PHACTR1: variants seen among roughly 807,000 people sequenced by gnomAD.
The protein encoded by PHACTR1 is phosphatase and actin regulator 1.
In PHACTR1, 16 loss-of-function variants were observed where a neutral mutation model predicts 69.2. That is an observed-to-expected ratio of 0.23 (90% CI 0.16 to 0.35). The LOEUF (loss-of-function observed/expected upper bound fraction) is 0.35. Ranked by LOEUF, PHACTR1 falls within the 10% of genes least tolerant of loss-of-function variation. The probability of loss-of-function intolerance (pLI) is 1.00; values close to 1 mark genes in which losing one functional copy is unlikely to be tolerated. For synonymous variants in PHACTR1, 312 were observed against 284.5 expected, an observed-to-expected ratio of 1.10 and a Z score of -0.97; for missense variants, 510 against 734.7, an observed-to-expected ratio of 0.69 and a Z score of 3.54.
At chr6:13,180,043 G>C (rs1411950169) in intron 6 of PHACTR1, among the ~76,000 whole-genome samples, 3 of 152,016 alleles carry the variant, frequency 2.0e-5, no homozygotes, top group Non-Finnish European at 4.4e-5. Flanking sequence ...CAACCAAATG[G>C]GAGCTAGCCA....
chr6:13,215,149 G>T (rs1376195457), intron 8 of PHACTR1, among the ~76,000 whole-genome samples: 1 of 152,226 alleles, frequency 6.6e-6, no homozygotes, highest in Non-Finnish European at 1.5e-5. Flanking sequence ...GCAAATGGAA[G>T]ATCCACCAAT....
intron 4 of PHACTR1, among the ~76,000 whole-genome samples, chr6:12,910,901 C>T (rs375621733): frequency 8.4e-4 from 128 of 152,290 alleles, no homozygotes; most frequent in African/African-American, 3.0e-3. Flanking sequence ...GACATGTACA[C>T]ATAGAACTGT....
At chr6:13,088,502 A>G (rs1422578114) in intron 5 of PHACTR1, among the ~76,000 whole-genome samples, 5 of 152,230 alleles carry the variant, frequency 3.3e-5, no homozygotes, top group African/African-American at 1.2e-4. Context: ...TGATCCATTT[A>G]ATTATATTCC....
chr6:13,053,241 A>C, intron 4 of PHACTR1, 124 bp from the exon 5 acceptor site: 1 of 1,080,958 alleles, frequency 9.3e-7, no homozygotes, highest in Non-Finnish European at 1.3e-6. Flanking sequence ...CAAAAGGCAA[A>C]GAGAAACTCT....
At chr6:13,277,472 C>T (rs922785925) in intron 11 of PHACTR1, among the ~76,000 whole-genome samples, 4 of 152,118 alleles carry the variant, frequency 2.6e-5, no homozygotes, top group African/African-American at 9.7e-5. Flanking sequence ...GTTCCTGCAG[C>T]AGGTTGAGGG....
chr6:13,060,265 A>G (rs1273029106), intron 5 of PHACTR1, among the ~76,000 whole-genome samples: 1 of 152,222 alleles, frequency 6.6e-6, no homozygotes, highest in Non-Finnish European at 1.5e-5. Flanking sequence ...TTTGGGGCAG[A>G]TGTCAGATTA....
intron 4 of PHACTR1, among the ~76,000 whole-genome samples, chr6:12,801,569 G>A (rs1361921051): frequency 6.6e-6 from 1 of 152,186 alleles, no homozygotes; most frequent in Non-Finnish European, 1.5e-5. Context: ...GATGGCAGAA[G>A]GGGGAGGAAT....
chr6:13,102,336 A>G (rs1000528898), intron 5 of PHACTR1, among the ~76,000 whole-genome samples: 6 of 152,176 alleles, frequency 3.9e-5, no homozygotes, highest in African/African-American at 1.4e-4. Flanking sequence ...GGCTCGGAGT[A>G]AGGGAGTTTC....
Position 12,982,669 on chromosome 6 carries a change from TAAAC to T in PHACTR1, c.251-70687_251-70684del, listed in dbSNP as rs200719248. ...CTCCATCTCAAAATAAATACATAAA[TAAAC>T]AAACAAACCTATCTAAAGTTCCCTT... On this transcript the variant is annotated intron_variant, in intron 4 of 14. Coordinates refer to ENST00000332995, the MANE Select transcript of PHACTR1 (RefSeq NM_030948.6). 1.8e-4 allele frequency among the ~76,000 whole-genome samples: 27 copies of T among 152,148 alleles called. No individual in the cohort carries two copies. The East Asian group carries it at 4.1e-3, about 23-fold the overall frequency.
intron 5 of PHACTR1, among the ~76,000 whole-genome samples, chr6:13,112,888 T>G (rs1817259961): frequency 6.6e-6 from 1 of 152,202 alleles, no homozygotes; most frequent in Admixed American, 6.5e-5. Flanking sequence ...TTAGATCCCA[T>G]TTGTCAGTTT....
chr6:13,278,257 A>ATT lies in PHACTR1; in HGVS notation c.1448-4_1448-3dup. 6.4e-7 allele frequency: 1 copy of ATT among 1,571,518 alleles called. No individual in the cohort carries two copies. Among genetic ancestry groups the ATT allele is most frequent in the South Asian group, 1.2e-5 (1 of 85,494 alleles). On this transcript the variant is annotated splice_polypyrimidine_tract_variant and intron_variant, in intron 11 of 14. Transcript: ENST00000332995. ...ACTGAAATAAAAAAACATCTTAAAT[A>ATT]TTTTTTTTAGCTCGGAATGAACAAG...
intron 4 of PHACTR1, among the ~76,000 whole-genome samples, chr6:12,799,297 A>G (rs1773441540): frequency 6.6e-6 from 1 of 152,192 alleles, no homozygotes; most frequent in Non-Finnish European, 1.5e-5. Flanking sequence ...CTGGGTCACA[A>G]TAGGTGGTCA....
At chr6:12,801,710 A>G (rs1773722405) in intron 4 of PHACTR1, among the ~76,000 whole-genome samples, 1 of 152,196 alleles carries the variant, frequency 6.6e-6, no homozygotes, top group Non-Finnish European at 1.5e-5. Flanking sequence ...ATGAGGCTAA[A>G]TTAAGCTGAG....
intron 4 of PHACTR1, among the ~76,000 whole-genome samples, chr6:12,824,774 G>A (rs1330647853): frequency 2.6e-5 from 4 of 152,032 alleles, no homozygotes; most frequent in African/African-American, 9.7e-5. Flanking sequence ...ATTAACTTTA[G>A]TATCTGTAGT....
At chr6:12,722,440 T>C (rs535712768) in intron 3 of PHACTR1, among the ~76,000 whole-genome samples, 81 of 152,192 alleles carry the variant, frequency 5.3e-4, no homozygotes, top group African/African-American at 2.0e-3. Context: ...ATGCCAGAAT[T>C]ATGTTTTTGA....
chr6:12,837,376 ACCT>A (rs1351898359), intron 4 of PHACTR1, among the ~76,000 whole-genome samples: 27 of 152,260 alleles, frequency 1.8e-4, no homozygotes, highest in African/African-American at 6.5e-4. Context: ...GAAAGCAAGC[ACCT>A]CCTCAATAAT....
At chr6:12,974,087 AATTTTTGT>A (rs1794574256) in intron 4 of PHACTR1, among the ~76,000 whole-genome samples, 1 of 151,822 alleles carries the variant, frequency 6.6e-6, no homozygotes, top group African/African-American at 2.4e-5. Flanking sequence ...ACGCCCGGCT[AATTTTTGT>A]ATTTTTAGTA....
intron 7 of PHACTR1, among the ~76,000 whole-genome samples, chr6:13,191,357 C>A (rs758779416): frequency 1.3e-5 from 2 of 152,140 alleles, no homozygotes; most frequent in African/African-American, 2.4e-5. Context: ...ATTATACTCA[C>A]GGGCCCTAGA....
chr6:13,038,471 A>G (rs186379396), intron 4 of PHACTR1, among the ~76,000 whole-genome samples: 3 of 147,948 alleles, frequency 2.0e-5, no homozygotes, highest in Admixed American at 6.8e-5. Flanking sequence ...CTACTTTTGC[A>G]TGAGTGTTCA....
Sources: allele counts gnomAD v4.1 joint callset (sites outside exome capture counted in the v4.1 genomes callset), GRCh38; gene constraint gnomAD v4.1.1; transcripts MANE v1.5; gene names NCBI Gene and HGNC (gene_info 2026-07-23, HGNC 2026-07-21).